The following STK17A variants were observed in gnomAD, a reference collection of about 807,000 sequenced individuals.
STK17A encodes serine/threonine-protein kinase 17A.
STK17A carries 26 observed loss-of-function variants against 43.7 expected under a neutral mutation model. The ratio of observed to expected loss-of-function variants is 0.60; its 90% confidence interval spans 0.44 to 0.83. STK17A has a LOEUF of 0.83. STK17A is among the 40% of genes least tolerant of loss of function. STK17A has a pLI of 0.00. For synonymous variants in STK17A, 191 were observed against 182.5 expected (o/e 1.05, Z -0.38); for missense variants, 476 against 511.6 (o/e 0.93, Z 0.67).
At chr7:43,603,000 A>G (rs557331205) in intron 2 of STK17A, among the ~76,000 whole-genome samples, 1 of 152,206 alleles carries the variant, frequency 6.6e-6, no homozygotes, top group African/African-American at 2.4e-5. Flanking sequence ...AGAAACCTCG[A>G]AGTTATCCTT....
At chr7:43,623,009 A>G (rs1331185512) in intron 4 of STK17A, 2 of 152,410 alleles carry the variant, frequency 1.3e-5, no homozygotes, top group African/African-American at 4.8e-5. Context: ...TCTCAATTCT[A>G]TAGATGCAAC....
At chr7:43,604,876 T>TC (rs745828474) in intron 2 of STK17A, among the ~76,000 whole-genome samples, 41 of 152,164 alleles carry the variant, frequency 2.7e-4, no homozygotes, top group Non-Finnish European at 5.0e-4. Context: ...CAGTCTTTTT[T>TC]CCCTCCCTCT....
intron 1 of STK17A, among the ~76,000 whole-genome samples, chr7:43,593,210 C>A (rs952109141): frequency 7.2e-5 from 11 of 152,196 alleles, no homozygotes; most frequent in African/African-American, 2.7e-4. Flanking sequence ...ACATCCAGTT[C>A]CATCCATGTT....
intron 1 of STK17A, among the ~76,000 whole-genome samples, chr7:43,594,903 A>C (rs1481872584): frequency 1.3e-5 from 2 of 151,388 alleles, no homozygotes; most frequent in Admixed American, 6.6e-5. Context: ...AAGAAAGAAA[A>C]GAAAAGAAAA....
chr7:43,590,227 T>C (rs1430532022), intron 1 of STK17A, among the ~76,000 whole-genome samples: 1 of 151,460 alleles, frequency 6.6e-6, no homozygotes, highest in African/African-American at 2.4e-5. Flanking sequence ...ATTACAGGCA[T>C]GAGCCACCGT....
intron 2 of STK17A, among the ~76,000 whole-genome samples, chr7:43,601,150 ATGT>A (rs146082161): frequency 0.055 from 8,416 of 152,164 alleles, 337 homozygotes; most frequent in Admixed American, 0.11. Context: ...GTATGGCATT[ATGT>A]TGTTTTTATT....
Position 43,583,349 on chromosome 7 carries a change from C to T in STK17A, c.106C>T (p.Pro36Ser). The change falls in exon 1 of 7, where the codon CCG becomes TCG. Residue 36 changes from proline to serine, a missense_variant. Physicochemically the swap from Pro to Ser is moderately conservative, Grantham distance 74. This residue lies in a region of STK17A where 320 missense variants were observed against 326.3 expected (regional missense o/e 0.98). Transcript: ENST00000319357. ...GAGCGGGCCGTGCCGGCCGCCGCCGCCGCCCCAGGCCCGCGGGCTGCTGAC... is the reference window on the plus strand; with the variant it reads ...GAGCGGGCCGTGCCGGCCGCCGCCGTCGCCCCAGGCCCGCGGGCTGCTGAC... ...GLSGPCRPPPPPQARGLLTEI... is the reference protein window; with the variant it reads ...GLSGPCRPPPSPQARGLLTEI... 7.0e-7 allele frequency: 1 copy of T among 1,434,764 alleles called. No homozygotes were observed. The highest frequency in any genetic ancestry group is 9.2e-7 in the Non-Finnish European group (1 of 1,092,384). 88.9% of individuals were successfully genotyped at this position (1,434,764 alleles called of 1,614,324 possible).
Position 43,608,246 on chromosome 7 carries a change from C to G in STK17A, c.420-10C>G. The G allele has an allele frequency of 1.2e-6, 2 of 1,600,044 alleles. No homozygotes were observed. Among genetic ancestry groups the G allele is most frequent in the South Asian group, 1.1e-5 (1 of 88,060 alleles). ...GAGTTATATATTACTTTAATTTTGC[C>G]CTTCTCTAGTGCTGCTGGGGGTGAA... is the stretch of plus-strand genomic sequence containing the variant. On this transcript the variant is annotated splice_polypyrimidine_tract_variant and intron_variant, in intron 2 of 6. Transcript: ENST00000319357.
At chr7:43,607,689 TAGTGTAAAGA>T (rs2082619462) in intron 2 of STK17A, among the ~76,000 whole-genome samples, 1 of 147,984 alleles carries the variant, frequency 6.8e-6, no homozygotes, top group South Asian at 2.1e-4. Flanking sequence ...GGTAACTTTA[TAGTGTAAAGA>T]GACTAATTGC....
intron 2 of STK17A, among the ~76,000 whole-genome samples, chr7:43,597,038 A>G (rs568073185): frequency 3.9e-5 from 6 of 152,262 alleles, no homozygotes; most frequent in African/African-American, 9.6e-5. Flanking sequence ...AAAAGACTTA[A>G]TACATCAATA....
intron 4 of STK17A, among the ~76,000 whole-genome samples, chr7:43,621,967 T>C (rs373513630): frequency 3.9e-5 from 6 of 152,324 alleles, no homozygotes; most frequent in African/African-American, 1.4e-4. Flanking sequence ...CTATGTGACC[T>C]TGGCCCTTAA....
At chr7:43,612,293 G>A (rs1353363610) in intron 3 of STK17A, among the ~76,000 whole-genome samples, 3 of 152,148 alleles carry the variant, frequency 2.0e-5, no homozygotes, top group Non-Finnish European at 4.4e-5. Flanking sequence ...TCAACTACTG[G>A]AGGGAGAGGA....
intron 3 of STK17A, among the ~76,000 whole-genome samples, chr7:43,617,031 G>A (rs77662279): frequency 0.023 from 3,440 of 152,290 alleles, 112 homozygotes; most frequent in African/African-American, 0.076. Flanking sequence ...AAGAAGAACA[G>A]AAAAAAGCGT....
intron 4 of STK17A, among the ~76,000 whole-genome samples, chr7:43,620,870 G>A (rs10247197): frequency 0.15 from 22,119 of 152,134 alleles, 2,167 homozygotes; most frequent in Non-Finnish European, 0.21. Context: ...GAGAAGAGGA[G>A]GGCGGCCGTG....
chr7:43,616,770 T>G (rs1433580401), intron 3 of STK17A, among the ~76,000 whole-genome samples: 2 of 151,444 alleles, frequency 1.3e-5, no homozygotes, highest in Non-Finnish European at 2.9e-5. Context: ...GGTGGCGGGC[T>G]CCTGTAGTCC....
intron 3 of STK17A, among the ~76,000 whole-genome samples, chr7:43,618,799 T>C (rs2153003082): frequency 6.6e-6 from 1 of 152,322 alleles, no homozygotes; most frequent in Admixed American, 6.5e-5. Flanking sequence ...GTACATGTCC[T>C]CACCCCACAT....
intron 3 of STK17A, among the ~76,000 whole-genome samples, chr7:43,614,193 G>A (rs560142244): frequency 2.1e-4 from 32 of 152,158 alleles, no homozygotes; most frequent in Admixed American, 5.9e-4. Flanking sequence ...TTCAGTAAAC[G>A]TTAAATGGAT....
Position 43,626,900 on chromosome 7 carries a change from GC to G in STK17A, c.*2061del, listed in dbSNP as rs2084612157. Reference sequence around the variant, plus strand: ...GAGTCATAGGGTGCTTTTTTAAGAGGCCCTTCAGAATATACTTGTAAAGGTG... The same window carrying G: ...GAGTCATAGGGTGCTTTTTTAAGAGGCCTTCAGAATATACTTGTAAAGGTG... On this transcript the variant is annotated 3_prime_UTR_variant, in exon 7 of 7. Coordinates refer to ENST00000319357, the MANE Select transcript of STK17A (RefSeq NM_004760.3). 1 of 152,112 alleles carries G rather than the reference GC, an allele frequency of 6.6e-6. No individual in the cohort carries two copies. Among genetic ancestry groups the G allele is most frequent in the Non-Finnish European group, 1.5e-5 (1 of 68,026 alleles). 9.4% of individuals were successfully genotyped at this position (152,112 alleles called of 1,614,324 possible).
At chr7:43,624,013 T>C (rs2084215046) in intron 6 of STK17A, 125 bp downstream of exon 6, 16 of 630,306 alleles carry the variant, frequency 2.5e-5, no homozygotes, top group Admixed American at 4.0e-5. Context: ...TAAAACACCA[T>C]AATGGAAACA....
Sources: allele counts gnomAD v4.1 joint callset (sites outside exome capture counted in the v4.1 genomes callset), GRCh38; gene constraint gnomAD v4.1.1; regional missense constraint gnomAD v4.1.1; transcripts MANE v1.5; gene names NCBI Gene and HGNC (gene_info 2026-07-23, HGNC 2026-07-21).